The following OOEP variants were observed in gnomAD, a reference collection of about 807,000 sequenced individuals.
OOEP encodes oocyte-expressed protein homolog.
In OOEP, 16 loss-of-function variants were observed where a neutral mutation model predicts 13.7. That is an observed-to-expected ratio of 1.16 (90% CI 0.79 to 1.77). The LOEUF (loss-of-function observed/expected upper bound fraction) is 1.77. OOEP is among the 40% of genes most tolerant of loss of function. The pLI is 0.00. For missense variants in OOEP, 195 were observed against 193.1 expected, an observed-to-expected ratio of 1.01 and a Z score of -0.06; for synonymous variants, 89 against 77.1, an observed-to-expected ratio of 1.15 and a Z score of -0.81.
upstream of OOEP, chr6:73,370,057 T>C (rs1769026109): frequency 2.0e-6 from 1 of 502,194 alleles, no homozygotes; most frequent in Non-Finnish European, 3.6e-6. Context: ...GGGTCTCCAA[T>C]GCTCTCCTTC....
chr6:73,394,801 A>T, exon 1 of OOEP: 1 of 1,514,092 alleles, frequency 6.6e-7, no homozygotes, highest in Non-Finnish European at 8.9e-7. Context: ...CGGGCTCCTT[A>T]AGTAGCGGCT....
exon 2 of OOEP, chr6:73,394,431 T>C: frequency 1.4e-6 from 1 of 709,430 alleles, no homozygotes; most frequent in Non-Finnish European, 2.6e-6. Context: ...GGAAGATCAC[T>C]TGAAGCCAGA....
intron 2 of OOEP, among the ~76,000 whole-genome samples, chr6:73,385,439 G>C (rs931047020): frequency 3.3e-5 from 5 of 151,918 alleles, no homozygotes; most frequent in African/African-American, 1.2e-4. Flanking sequence ...GGAATGCAAG[G>C]CTGGATTAAA....
At chr6:73,383,877 C>A (rs551931668) in intron 2 of OOEP, among the ~76,000 whole-genome samples, 1 of 152,200 alleles carries the variant, frequency 6.6e-6, no homozygotes, top group East Asian at 1.9e-4. Flanking sequence ...AGGCAGATCA[C>A]TTGAGCCCAG....
chr6:73,382,622 A>C (rs114134714), intron 2 of OOEP, among the ~76,000 whole-genome samples: 13 of 151,848 alleles, frequency 8.6e-5, no homozygotes, highest in African/African-American at 2.4e-4. Flanking sequence ...CAGCCTTCCA[A>C]AGTGTGAGGA....
chr6:73,385,998 C>G (rs1173377508), intron 2 of OOEP, among the ~76,000 whole-genome samples: 1 of 152,078 alleles, frequency 6.6e-6, no homozygotes, highest in African/African-American at 2.4e-5. Context: ...CCTACTTTCA[C>G]TTTTATTCAA....
intron 2 of OOEP, among the ~76,000 whole-genome samples, chr6:73,393,120 T>G (rs1207529543): frequency 6.6e-6 from 1 of 151,888 alleles, no homozygotes; most frequent in Non-Finnish European, 1.5e-5. Flanking sequence ...AAAAAATTTT[T>G]TTTTTTTGAG....
chr6:73,368,649 C>T lies in OOEP; in HGVS notation c.*135G>A. On this transcript the variant is annotated 3_prime_UTR_variant, in exon 3 of 3. Coordinates refer to ENST00000370359, the MANE Select transcript of OOEP (RefSeq NM_001080507.3). ...TTAGAATAGTTCAAACTCACTCTTG[C>T]AACAAAATAAACCACAATCCATCAA... The T allele has an allele frequency of 1.6e-6, 1 of 642,254 alleles. No individual in the cohort carries two copies. The highest frequency in any genetic ancestry group is 2.6e-5 in the Admixed American group (1 of 38,112). The allele number at this position is 642,254 out of a possible 1,614,324, so 39.8% of individuals were successfully genotyped here.
chr6:73,388,914 G>A (rs2150783361), intron 2 of OOEP, among the ~76,000 whole-genome samples: 1 of 152,192 alleles, frequency 6.6e-6, no homozygotes, highest in African/African-American at 2.4e-5. Context: ...CTTGCCTGGC[G>A]GAGTCGGAGG....
chr6:73,382,248 C>T lies in OOEP; in HGVS notation c.25+12098G>A, dbSNP rs189958400. On this transcript the variant is annotated intron_variant, in intron 2 of 3. Coordinates refer to the OOEP transcript ENST00000370363. Reference sequence around the variant, plus strand: ...TTTTTTTTTTTTTGAGATGGAGTCTCGCTGTGTTGCCCAGGCTGGAGTGTA... The same window carrying T: ...TTTTTTTTTTTTTGAGATGGAGTCTTGCTGTGTTGCCCAGGCTGGAGTGTA... 4.0e-3 allele frequency among the ~76,000 whole-genome samples: 516 copies of T among 128,506 alleles called. 5 individuals are homozygous for T. Among genetic ancestry groups the T allele is most frequent in the African/African-American group, 0.015 (493 of 33,214 alleles). The allele number at this position is 128,506 out of a possible 152,430, so 84.3% of individuals were successfully genotyped here. A position where few individuals can be genotyped will look rare whatever the true frequency, so the allele number is the denominator to read the frequency against.
chr6:73,374,307 TG>T (rs1222768489), upstream of OOEP, among the ~76,000 whole-genome samples: 1 of 152,168 alleles, frequency 6.6e-6, no homozygotes, highest in Non-Finnish European at 1.5e-5. Flanking sequence ...TCCAGTGATG[TG>T]GAACCCCAGA....
chr6:73,375,551 GCC>G (rs1769126193), intron 2 of OOEP, among the ~76,000 whole-genome samples: 1 of 148,924 alleles, frequency 6.7e-6, no homozygotes, highest in Non-Finnish European at 1.5e-5. Flanking sequence ...TTGCACTCCA[GCC>G]TGGACTCTCT....
At chr6:73,384,575 T>C (rs891442531) in intron 2 of OOEP, among the ~76,000 whole-genome samples, 6 of 152,004 alleles carry the variant, frequency 3.9e-5, no homozygotes, top group Non-Finnish European at 8.8e-5. Flanking sequence ...TGGCTCATGC[T>C]GGTAATCTCA....
chr6:73,390,575 CA>C (rs1297963402), intron 2 of OOEP, among the ~76,000 whole-genome samples: 2 of 150,048 alleles, frequency 1.3e-5, no homozygotes, highest in Admixed American at 6.6e-5. Flanking sequence ...ATTTGTTACC[CA>C]AAAACTTTTT....
At chr6:73,373,819 CCTCAGGTGAT>C (rs1769097519), upstream of OOEP, among the ~76,000 whole-genome samples, 1 of 152,032 alleles carries the variant, frequency 6.6e-6, no homozygotes, top group African/African-American at 2.4e-5. Flanking sequence ...GAACTCCTGA[CCTCAGGTGAT>C]CTACCCACCT....
intron 2 of OOEP, among the ~76,000 whole-genome samples, chr6:73,384,194 A>G (rs892867929): frequency 2.6e-5 from 4 of 152,244 alleles, no homozygotes; most frequent in African/African-American, 9.6e-5. Flanking sequence ...TATGACATAA[A>G]TTAGATAACC....
At chr6:73,373,704 C>A (rs62440587), upstream of OOEP, among the ~76,000 whole-genome samples, 1 of 151,900 alleles carries the variant, frequency 6.6e-6, no homozygotes, top group Non-Finnish European at 1.5e-5. Flanking sequence ...ATTCTCCTGC[C>A]TAGGCCTCCC....
At chr6:73,378,102 AT>A (rs1193997424) in intron 2 of OOEP, among the ~76,000 whole-genome samples, 6 of 115,710 alleles carry the variant, frequency 5.2e-5, no homozygotes, top group African/African-American at 1.4e-4. Flanking sequence ...TTCTTCTTCT[AT>A]TTTTTTTTCT....
At chr6:73,383,844 ATC>A (rs1275131575) in intron 2 of OOEP, among the ~76,000 whole-genome samples, 2 of 152,078 alleles carry the variant, frequency 1.3e-5, no homozygotes, top group African/African-American at 4.8e-5. Flanking sequence ...CACACCTGTA[ATC>A]ACACTTTGGG....
Sources: allele counts gnomAD v4.1 joint callset (sites outside exome capture counted in the v4.1 genomes callset), GRCh38; gene constraint gnomAD v4.1.1; transcripts MANE v1.5; gene names NCBI Gene and HGNC (gene_info 2026-07-23, HGNC 2026-07-21).